C8orf34: variants seen among roughly 807,000 people sequenced by gnomAD.
C8orf34 encodes the protein chromosome 8 open reading frame 34, also known as uncharacterized protein C8orf34.
Under a neutral mutation model 68.3 loss-of-function variants are expected in C8orf34, and 65 were observed. The ratio of observed to expected loss-of-function variants is 0.95; its 90% CI spans 0.78 to 1.17. C8orf34 has a LOEUF of 1.17. Among genes scored for constraint, C8orf34 ranks in the 50% most tolerant of loss-of-function variants. C8orf34 has a pLI of 0.00. For synonymous variants in C8orf34, 244 were observed against 241.2 expected (o/e 1.01, Z -0.11); for missense variants, 664 against 655.4 (o/e 1.01, Z -0.14).
chr8:68,468,925 C>T (rs1407594231), intron 4 of C8orf34, 105 bp downstream of exon 4: 3 of 1,228,094 alleles, frequency 2.4e-6, no homozygotes, highest in Non-Finnish European at 3.4e-6. Context: ...CATTCTAATT[C>T]TGCAAGAGGC....
rs1813910049 is a variant in C8orf34 at position 68,504,363 on chromosome 8, C to T, written c.765+16312C>T. Among the ~76,000 whole-genome samples, 3 of 152,140 alleles carry T rather than the reference C, an allele frequency of 2.0e-5. No individual in the cohort carries two copies. In the South Asian group the frequency reaches 6.2e-4, roughly 32 times the overall value. ...TCTTTGAGTTGTTTCTACTTTTCAG[C>T]CATTATAAATAATGTTTCTATGAAT... On this transcript the variant is annotated intron_variant, in intron 5 of 13. Coordinates refer to ENST00000518698, the MANE Select transcript of C8orf34 (RefSeq NM_052958.4).
chr8:68,632,540 A>G (rs1188253172), intron 7 of C8orf34, among the ~76,000 whole-genome samples: 1 of 152,090 alleles, frequency 6.6e-6, no homozygotes, highest in Non-Finnish European at 1.5e-5. Context: ...TGCATAAGTA[A>G]TGAGGAGCCC....
chr8:68,534,667 T>C, intron 7 of C8orf34: 1 of 985,482 alleles, frequency 1.0e-6, no homozygotes, highest in Non-Finnish European at 1.2e-6. Context: ...TTTGCTCACG[T>C]AGGTATGGGC....
At chr8:68,807,682 G>A (rs146180411) in intron 12 of C8orf34, among the ~76,000 whole-genome samples, 66 of 152,062 alleles carry the variant, frequency 4.3e-4, no homozygotes, top group African/African-American at 1.5e-3. Flanking sequence ...GCTTATTTTT[G>A]ATTAAGTGTT....
intron 1 of C8orf34, among the ~76,000 whole-genome samples, chr8:68,354,833 T>C (rs1324379684): frequency 6.6e-6 from 1 of 152,124 alleles, no homozygotes; most frequent in African/African-American, 2.4e-5. Flanking sequence ...TGCTTCGTGC[T>C]TCATTGTGCA....
At chr8:68,460,970 G>A (rs1463818867) in intron 3 of C8orf34, among the ~76,000 whole-genome samples, 2 of 152,226 alleles carry the variant, frequency 1.3e-5, no homozygotes. Flanking sequence ...GTGAGAAGAA[G>A]GCTTCAGATG....
At chr8:68,806,620 T>C (rs889062902) in intron 12 of C8orf34, among the ~76,000 whole-genome samples, 29 of 152,234 alleles carry the variant, frequency 1.9e-4, no homozygotes, top group African/African-American at 5.8e-4. Context: ...AGCAGTTTTA[T>C]CATAGTGTGC....
chr8:68,445,883 G>A (rs1338483516), intron 2 of C8orf34, among the ~76,000 whole-genome samples: 2 of 152,044 alleles, frequency 1.3e-5, no homozygotes, highest in Admixed American at 6.5e-5. Flanking sequence ...TCTGCCTTCC[G>A]GGTTCAAGTA....
chr8:68,372,449 G>A (rs1264808600), intron 1 of C8orf34, among the ~76,000 whole-genome samples: 1 of 152,102 alleles, frequency 6.6e-6, no homozygotes, highest in African/African-American at 2.4e-5. Context: ...CTGAGGACTT[G>A]TAATGAGAAT....
intron 1 of C8orf34, among the ~76,000 whole-genome samples, chr8:68,351,017 A>G (rs180676736): frequency 6.6e-6 from 1 of 152,000 alleles, no homozygotes; most frequent in African/African-American, 2.4e-5. Context: ...TTAGCTGGTT[A>G]TTATGTTGGC....
At chr8:68,584,175 A>G (rs1164541168) in intron 7 of C8orf34, among the ~76,000 whole-genome samples, 1 of 152,108 alleles carries the variant, frequency 6.6e-6, no homozygotes, top group Non-Finnish European at 1.5e-5. Flanking sequence ...TGCATTGCAC[A>G]GGTAGTATTA....
chr8:68,569,387 G>A (rs1042510473), intron 7 of C8orf34, among the ~76,000 whole-genome samples: 2 of 152,192 alleles, frequency 1.3e-5, no homozygotes, highest in African/African-American at 4.8e-5. Flanking sequence ...CCAAGAAGTA[G>A]GAGACAGCAA....
rs144587186 is a variant in C8orf34 at position 68,578,505 on chromosome 8, G to C, written c.1105+45356G>C. 1.6e-4 allele frequency among the ~76,000 whole-genome samples: 24 copies of C among 152,092 alleles called. No homozygotes were observed. In the East Asian group the frequency reaches 4.5e-3, roughly 28 times the overall value. ...GGGTTGCCTTGTTATATATAGAACA[G>C]CCTTGGTGGCCCATAGAGATGGGTT... On this transcript the variant is annotated intron_variant, in intron 7 of 13. Coordinates refer to ENST00000518698, the MANE Select transcript of C8orf34 (RefSeq NM_052958.4).
chr8:68,340,687 C>T (rs1806034191), intron 1 of C8orf34, among the ~76,000 whole-genome samples: 3 of 152,186 alleles, frequency 2.0e-5, no homozygotes, highest in Admixed American at 2.0e-4. Flanking sequence ...AAAGATCTTC[C>T]AGCCCAAACC....
chr8:68,488,510 A>G (rs1161746755), intron 5 of C8orf34, among the ~76,000 whole-genome samples: 3 of 152,112 alleles, frequency 2.0e-5, no homozygotes, highest in Admixed American at 2.0e-4. Flanking sequence ...GGTAGTAGTT[A>G]TGATGGTGGT....
chr8:68,395,407 A>G (rs1179377996), intron 1 of C8orf34, among the ~76,000 whole-genome samples: 2 of 151,446 alleles, frequency 1.3e-5, no homozygotes, highest in Non-Finnish European at 2.9e-5. Context: ...AAACACACAC[A>G]CATTCTGGCT....
intron 1 of C8orf34, among the ~76,000 whole-genome samples, chr8:68,382,208 T>G (rs1808072401): frequency 6.6e-6 from 1 of 152,226 alleles, no homozygotes; most frequent in Non-Finnish European, 1.5e-5. Context: ...ATCTGATTAC[T>G]TCCTAGTAAT....
intron 8 of C8orf34, among the ~76,000 whole-genome samples, chr8:68,677,359 CT>C (rs1338196384): frequency 4.0e-5 from 6 of 151,218 alleles, no homozygotes; most frequent in Admixed American, 2.6e-4. Flanking sequence ...AATGATGCAT[CT>C]TTTTTTTTCT....
At chr8:68,589,137 G>A (rs974537287) in intron 7 of C8orf34, among the ~76,000 whole-genome samples, 2 of 152,128 alleles carry the variant, frequency 1.3e-5, no homozygotes, top group African/African-American at 4.8e-5. Flanking sequence ...ATTGACCAGG[G>A]ATTTTGAGGA....
Sources: gnomAD v4.1 joint callset for allele counts (sites outside exome capture counted in the v4.1 genomes callset) on GRCh38, gnomAD v4.1.1 for gene constraint, MANE v1.5 for transcripts, NCBI Gene and HGNC (gene_info 2026-07-23, HGNC 2026-07-21) for gene names.